Variants in GTF3C2 observed in about 807,000 individuals in gnomAD.
GTF3C2 encodes general transcription factor IIIC subunit 2, also known as general transcription factor 3C polypeptide 2.
A neutral mutation model predicts 117.4 loss-of-function variants in GTF3C2; 17 were observed. The observed-to-expected ratio is 0.14, with a 90% CI of 0.10 to 0.22. The LOEUF (loss-of-function observed/expected upper bound fraction) is 0.22. Ranked by LOEUF, GTF3C2 falls within the 10% of genes least tolerant of loss-of-function variation. The pLI is 1.00. For missense variants in GTF3C2, 888 were observed against 1,143.6 expected (o/e 0.78, Z 3.22); for synonymous variants, 437 against 427.0 (o/e 1.02, Z -0.29).
chr2:27,343,728 CTA>C (rs1680825755), intron 1 of GTF3C2, 150 bp from the exon 2 acceptor site: 2 of 648,164 alleles, frequency 3.1e-6, no homozygotes, highest in African/African-American at 1.8e-5. Context: ...TAAGCACCTT[CTA>C]TATGTCAGGA....
intron 8 of GTF3C2, 65 bp from the exon 9 acceptor site, chr2:27,336,093 G>A: frequency 7.2e-7 from 1 of 1,396,300 alleles, no homozygotes; most frequent in Non-Finnish European, 1.0e-6. Context: ...CCAGAGGTAA[G>A]CTCCCCTTGT....
intron 1 of GTF3C2, among the ~76,000 whole-genome samples, chr2:27,346,235 G>C (rs1174042379): frequency 6.7e-6 from 1 of 150,092 alleles, no homozygotes; most frequent in African/African-American, 2.4e-5. Flanking sequence ...CGTTGCCCAG[G>C]ATGGTCTTGA....
At chr2:27,333,475 T>C (rs888264796) in intron 12 of GTF3C2, 180 bp downstream of exon 12, 2 of 561,208 alleles carry the variant, frequency 3.6e-6, no homozygotes, top group Admixed American at 3.3e-5. Context: ...GTACTCTTAA[T>C]TTTTTTCTGA....
At chr2:27,353,489 A>G (rs529947842) in intron 1 of GTF3C2, among the ~76,000 whole-genome samples, 22 of 151,626 alleles carry the variant, frequency 1.5e-4, no homozygotes, top group Admixed American at 1.2e-3. Context: ...CCCAGGCTGG[A>G]GCGCAGGGGC....
intron 17 of GTF3C2, among the ~76,000 whole-genome samples, chr2:27,327,485 C>T (rs901636087): frequency 5.3e-5 from 8 of 151,912 alleles, no homozygotes; most frequent in East Asian, 3.9e-4. Context: ...CCGTCACGCC[C>T]GGCAGATTTT....
chr2:27,338,460 G>GCACACA (rs59913490), intron 4 of GTF3C2, among the ~76,000 whole-genome samples: 8 of 76,184 alleles, frequency 1.1e-4, no homozygotes, highest in South Asian at 5.1e-4. Context: ...GCGCACGCGC[G>GCACACA]CACACACACA....
At chr2:27,326,870 G>A (rs1417795754) in exon 19 of GTF3C2, 4 of 1,612,870 alleles carry the variant, frequency 2.5e-6, no homozygotes, top group East Asian at 2.2e-5. Flanking sequence ...ATCCATAGGA[G>A]TCCAGGTTTG....
chr2:27,345,665 T>C (rs1680891105), intron 1 of GTF3C2, among the ~76,000 whole-genome samples: 1 of 151,706 alleles, frequency 6.6e-6, no homozygotes, highest in African/African-American at 2.4e-5. Context: ...GGGTGGTGGG[T>C]AGACTATGGG....
chr2:27,337,705 A>G (rs772191930), intron 5 of GTF3C2, 147 bp from the exon 6 acceptor site: 22 of 718,140 alleles, frequency 3.1e-5, no homozygotes, highest in Non-Finnish European at 5.0e-5. Context: ...AAGCACCTAA[A>G]ATGTGGCTAG....
At chr2:27,354,994 TGAA>T (rs369927370) in intron 1 of GTF3C2, among the ~76,000 whole-genome samples, 107 of 152,302 alleles carry the variant, frequency 7.0e-4, no homozygotes, top group African/African-American at 2.2e-3. Context: ...TGTACTACAC[TGAA>T]GAACATGCAC....
chr2:27,336,416 C>T (rs1400782066), exon 8 of GTF3C2: 2 of 1,590,718 alleles, frequency 1.3e-6, no homozygotes, highest in Non-Finnish European at 1.7e-6. Context: ...GTGCTGTGAT[C>T]GAGCTAAATC....
At chr2:27,337,641 T>C (rs564628904) in intron 5 of GTF3C2, 83 bp from the exon 6 acceptor site, 24 of 957,632 alleles carry the variant, frequency 2.5e-5, no homozygotes, top group Non-Finnish European at 3.9e-5. Flanking sequence ...GGGATGGAAA[T>C]GATCCATTAT....
rs1553386336 is a variant in GTF3C2, at chr2:27,326,913, C to G, written c.2518-20G>C. ...ACGTACCTGTGAAGAGAACAGAAAA[C>G]AAGAGAGAGATGCTCATGGGTGGTG... On this transcript the variant is annotated intron_variant, in intron 18 of 18. Transcript: ENST00000264720. 2.0e-6 allele frequency: 3 copies of G among 1,522,264 alleles called. No homozygotes were observed. The highest frequency in any genetic ancestry group is 1.7e-5 in the Admixed American group (1 of 59,584). The allele number at this position is 1,522,264 out of a possible 1,614,324, so 94.3% of individuals were successfully genotyped here.
At chr2:27,351,071 G>A (rs1312170341) in intron 1 of GTF3C2, among the ~76,000 whole-genome samples, 1 of 147,856 alleles carries the variant, frequency 6.8e-6, no homozygotes, top group Non-Finnish European at 1.5e-5. Flanking sequence ...AGCTATGATT[G>A]TGGCACTGCA....
At chr2:27,345,790 T>C (rs1006729874) in intron 1 of GTF3C2, among the ~76,000 whole-genome samples, 1 of 149,648 alleles carries the variant, frequency 6.7e-6, no homozygotes, top group African/African-American at 2.5e-5. Flanking sequence ...GTCGGCTCAC[T>C]GCAACCTCTG....
At chr2:27,346,559 C>T (rs1680924175) in intron 1 of GTF3C2, among the ~76,000 whole-genome samples, 2 of 151,654 alleles carry the variant, frequency 1.3e-5, no homozygotes, top group Admixed American at 1.3e-4. Flanking sequence ...ACCATGTTGC[C>T]CAGGCTGGAG....
At chr2:27,326,678 G>A in exon 19 of GTF3C2, 1 of 1,611,514 alleles carries the variant, frequency 6.2e-7, no homozygotes, top group Non-Finnish European at 8.5e-7. Flanking sequence ...GCCAAGGCTA[G>A]GGAGTGGGCA....
At chr2:27,330,118 G>C (rs556130331) in intron 12 of GTF3C2, among the ~76,000 whole-genome samples, 70 of 140,588 alleles carry the variant, frequency 5.0e-4, no homozygotes, top group African/African-American at 1.8e-3. Context: ...TCCAGCCTGA[G>C]TGACAAGAGC....
At chr2:27,352,763 C>T (rs557103764) in intron 1 of GTF3C2, among the ~76,000 whole-genome samples, 13 of 152,132 alleles carry the variant, frequency 8.5e-5, no homozygotes, top group Non-Finnish European at 1.5e-4. Flanking sequence ...TGTCCCCCAA[C>T]TCATCAGTGA....
Sources: gnomAD v4.1 joint callset for allele counts (sites outside exome capture counted in the v4.1 genomes callset) on GRCh38, gnomAD v4.1.1 for gene constraint, MANE v1.5 for transcripts, NCBI Gene and HGNC (gene_info 2026-07-23, HGNC 2026-07-21) for gene names.